Variants in GRIK5 observed in about 807,000 individuals in gnomAD.
GRIK5 encodes glutamate ionotropic receptor kainate type subunit 5.
GRIK5 carries 43 observed loss-of-function variants against 97.4 expected under a neutral mutation model. The ratio of observed to expected loss-of-function variants is 0.44; its 90% CI spans 0.35 to 0.57. The LOEUF (loss-of-function observed/expected upper bound fraction) is 0.57, where lower values mean the gene tolerates loss of function less well. GRIK5 is among the 20% of genes least tolerant of loss of function. The pLI is 0.01. For missense variants in GRIK5, 1,015 were observed against 1,382.0 expected, an observed-to-expected ratio of 0.73 and a Z score of 4.21; for synonymous variants, 580 against 583.5, an observed-to-expected ratio of 0.99 and a Z score of 0.09.
intron 8 of GRIK5, 79 bp from the exon 9 acceptor site, chr19:42,054,551 AC>A: frequency 6.8e-7 from 1 of 1,471,926 alleles, no homozygotes; most frequent in South Asian, 1.2e-5. Flanking sequence ...CTGAGCTGCC[AC>A]CCTCAAACCC....
chr19:42,053,645 G>A lies in GRIK5; in HGVS notation c.1226C>T (p.Ser409Leu), dbSNP rs777677179. ...CAGGGTCTTGTTGGCCAGTGTCTGC[G>A]ACAGGTTGATGTCCAGGGTGGTGGC... ...MNATTLDINL[S>L]QTLANKTLVV... The change falls in exon 11 of 20, where the codon TCG becomes TTG. Residue 409 changes from serine (S) to leucine (L), a missense_variant. By Grantham distance (145) the Ser-to-Leu change is moderately radical. Transcript: ENST00000593562. 15 of 1,613,406 alleles carry A rather than the reference G, an allele frequency of 9.3e-6. No individual in the cohort carries two copies. In the East Asian group the frequency reaches 1.3e-4, roughly 14 times the overall value.
chr19:42,022,259 G>A lies in GRIK5; in HGVS notation c.1569C>T (p.Ile523=), dbSNP rs1599771113. The A allele has an allele frequency of 6.2e-7, 1 of 1,612,232 alleles. No individual in the cohort carries two copies. Among genetic ancestry groups the A allele is most frequent in the African/African-American group, 1.3e-5 (1 of 74,888 alleles). ...ACCATACCATGTGCACTCGGTAGAG[G>A]ATGCTGATCCCCAGGGTCATAAAGG... ...SKPFMTLGIS[I]LYRVHMGRKP... Residue 523 remains isoleucine, a synonymous_variant, in exon 13 of 20, where the codon ATC becomes ATT. Transcript: ENST00000593562. This position sits in a 1 kb window ranked among gnomAD's most constrained non-coding sequence, Gnocchi z 4.2.
At chr19:42,063,307 C>T (rs2076285932) in intron 3 of GRIK5, 1 of 457,688 alleles carries the variant, frequency 2.2e-6, no homozygotes, top group African/African-American at 2.0e-5. Flanking sequence ...TTACTTCCTC[C>T]TCTTTCTTCT....
At chr19:42,014,236 T>TAAA in intron 15 of GRIK5, among the ~76,000 whole-genome samples, 1 of 149,906 alleles carries the variant, frequency 6.7e-6, no homozygotes, top group African/African-American at 2.5e-5. Context: ...TCTACTAAAA[T>TAAA]ACAAAAAATT....
At position 42,042,518 on chromosome 19, in the gene GRIK5, C is replaced by G. The variant is rs1401975330; in HGVS notation, c.1473+34G>C. On this transcript the variant is annotated intron_variant, in intron 12 of 19. Transcript: ENST00000593562. This position sits in a 1 kb window ranked among gnomAD's most constrained non-coding sequence, Gnocchi z 6.9. Reference sequence around the variant, plus strand: ...GCCCGCCCTCCCTCACTCGCCGGGTCCATGCATCTTTCCCGGCCCCAGTCC... The same window carrying G: ...GCCCGCCCTCCCTCACTCGCCGGGTGCATGCATCTTTCCCGGCCCCAGTCC... 1 of 1,570,490 alleles carries G rather than the reference C, an allele frequency of 6.4e-7. No homozygotes were observed. The highest frequency in any genetic ancestry group is 8.7e-7 in the Non-Finnish European group (1 of 1,152,164).
intron 12 of GRIK5, among the ~76,000 whole-genome samples, chr19:42,033,662 T>C (rs2146084202): frequency 6.6e-6 from 1 of 152,274 alleles, no homozygotes; most frequent in South Asian, 2.1e-4. Context: ...CTTAAAGTGG[T>C]TATTTTTATG....
Position 42,031,422 on chromosome 19 carries a change from C to T in GRIK5, c.1474-9068G>A, listed in dbSNP as rs768619027. Among the ~76,000 whole-genome samples, 26 of 152,320 alleles carry T rather than the reference C, an allele frequency of 1.7e-4. No homozygotes were observed. In the Middle Eastern group the frequency reaches 0.01, roughly 60 times the overall value. ...CTGACTCCATGGGTCAGTGCGCCAA[C>T]GTGGGATTCTGCCAGCTACCATGTG... is the stretch of plus-strand genomic sequence containing the variant. On this transcript the variant is annotated intron_variant, in intron 12 of 19. Coordinates refer to ENST00000593562, the MANE Select transcript of GRIK5 (RefSeq NM_002088.5).
intron 12 of GRIK5, among the ~76,000 whole-genome samples, chr19:42,032,468 C>T (rs2075851424): frequency 6.6e-6 from 1 of 152,190 alleles, no homozygotes; most frequent in Non-Finnish European, 1.5e-5. Context: ...CCAGCACTTT[C>T]ACTTCTTGGA....
intron 8 of GRIK5, among the ~76,000 whole-genome samples, chr19:42,056,107 T>A (rs915658142): frequency 6.6e-6 from 1 of 151,984 alleles, no homozygotes; most frequent in Non-Finnish European, 1.5e-5. Flanking sequence ...CACCTCAGCC[T>A]CCCAAGTAGC....
At chr19:42,060,206 G>A (rs1349919093) in intron 5 of GRIK5, among the ~76,000 whole-genome samples, 3 of 150,788 alleles carry the variant, frequency 2.0e-5, no homozygotes, top group Non-Finnish European at 2.9e-5. Context: ...GGGAATTCAA[G>A]ACCAGCCTGG....
At position 42,021,504 on chromosome 19, in the gene GRIK5, GGCCCAGA is replaced by G; in HGVS notation, c.1698-37_1698-31del. 6.7e-7 allele frequency: 1 copy of G among 1,495,630 alleles called. No homozygotes were observed. Among genetic ancestry groups the G allele is most frequent in the Non-Finnish European group, 8.9e-7 (1 of 1,119,480 alleles). The allele number at this position is 1,495,630 out of a possible 1,614,324, so 92.6% of individuals were successfully genotyped here. A position where few individuals can be genotyped will look rare whatever the true frequency, so the allele number is the denominator to read the frequency against. On this transcript the variant is annotated intron_variant, in intron 14 of 19. Transcript: ENST00000593562. The surrounding 1 kb of genome is among the most constrained non-coding windows in gnomAD (Gnocchi z 4.2). ...GGAGAGACGTGCAGCGTGTGGATGGGGCCCAGAGCCCAGGTGGGGAGGAAAAGGAAAG... is the reference window on the plus strand; with the variant it reads ...GGAGAGACGTGCAGCGTGTGGATGGGGCCCAGGTGGGGAGGAAAAGGAAAG...
At chr19:42,035,201 G>C (rs977887164) in intron 12 of GRIK5, among the ~76,000 whole-genome samples, 35 of 151,758 alleles carry the variant, frequency 2.3e-4, no homozygotes, top group African/African-American at 8.0e-4. Context: ...GGCTGGTCTC[G>C]AATTCCCAAC....
intron 15 of GRIK5, among the ~76,000 whole-genome samples, chr19:42,013,468 G>A (rs910828324): frequency 1.5e-5 from 2 of 134,278 alleles, no homozygotes; most frequent in African/African-American, 5.8e-5. Flanking sequence ...GGAATGCAGT[G>A]GGGCGATCTC....
At chr19:42,014,252 G>T (rs2075599488) in intron 15 of GRIK5, among the ~76,000 whole-genome samples, 1 of 151,958 alleles carries the variant, frequency 6.6e-6, no homozygotes, top group Admixed American at 6.6e-5. Context: ...AAATTAGCCA[G>T]GCGTGCTGGC....
chr19:42,054,752 C>T (rs892895909), intron 8 of GRIK5, among the ~76,000 whole-genome samples: 5 of 152,164 alleles, frequency 3.3e-5, no homozygotes, highest in Non-Finnish European at 7.3e-5. Flanking sequence ...GGATAGCTAG[C>T]TGTGTCACCT....
At chr19:42,005,079 G>T (rs2075469101) in intron 17 of GRIK5, among the ~76,000 whole-genome samples, 2 of 152,032 alleles carry the variant, frequency 1.3e-5, no homozygotes, top group African/African-American at 2.4e-5. Context: ...GTACATAAAT[G>T]ATTTTAAAAG....
chr19:42,017,762 G>A (rs1372599572), intron 15 of GRIK5, among the ~76,000 whole-genome samples: 1 of 152,190 alleles, frequency 6.6e-6, no homozygotes, highest in Non-Finnish European at 1.5e-5. Flanking sequence ...GGGGTTGGGG[G>A]AAGGCAGGCA....
intron 15 of GRIK5, among the ~76,000 whole-genome samples, chr19:42,010,437 CAT>C (rs2075547846): frequency 1.3e-5 from 2 of 152,130 alleles, no homozygotes; most frequent in Non-Finnish European, 2.9e-5. Flanking sequence ...AGGGGGGAAA[CAT>C]ATTACATTCA....
intron 11 of GRIK5, among the ~76,000 whole-genome samples, chr19:42,044,987 G>A (rs1457321484): frequency 1.3e-5 from 2 of 152,186 alleles, no homozygotes; most frequent in South Asian, 4.1e-4. Flanking sequence ...TTGAGAAACT[G>A]TGCTGTGCAT....
Sources: allele counts gnomAD v4.1 joint callset (sites outside exome capture counted in the v4.1 genomes callset), GRCh38; gene constraint gnomAD v4.1.1; non-coding constraint Gnocchi (gnomAD v3.1); transcripts MANE v1.5; gene names NCBI Gene and HGNC (gene_info 2026-07-23, HGNC 2026-07-21).